The following SLC4A7 variants were observed in gnomAD, a reference collection of about 807,000 sequenced individuals.
The protein encoded by SLC4A7 is solute carrier family 4 member 7, also known as sodium bicarbonate cotransporter 3.
SLC4A7 carries 51 observed loss-of-function variants against 137.6 expected under a neutral mutation model. That is an observed-to-expected ratio of 0.37 (90% CI 0.30 to 0.47). The LOEUF (loss-of-function observed/expected upper bound fraction) is 0.47, where lower values mean the gene tolerates loss of function less well. SLC4A7 is among the 20% of genes least tolerant of loss of function. The probability of loss-of-function intolerance (pLI) is 1.00; values close to 1 mark genes in which losing one functional copy is unlikely to be tolerated. For synonymous variants in SLC4A7, 542 were observed against 518.6 expected (o/e 1.05, Z -0.61); for missense variants, 1,247 against 1,525.4 (o/e 0.82, Z 3.04).
intron 3 of SLC4A7, among the ~76,000 whole-genome samples, chr3:27,441,143 AAT>A (rs1284986191): frequency 6.6e-6 from 1 of 152,184 alleles, no homozygotes; most frequent in Non-Finnish European, 1.5e-5. Context: ...TTAGGAGATG[AAT>A]ATCTTGCAGG....
At chr3:27,445,386 C>T (rs1576507043) in intron 3 of SLC4A7, among the ~76,000 whole-genome samples, 1 of 152,072 alleles carries the variant, frequency 6.6e-6, no homozygotes, top group Admixed American at 6.6e-5. Context: ...TGTGCTGTGG[C>T]CTGGAAACTG....
At chr3:27,432,356 T>C (rs1166555191) in intron 6 of SLC4A7, among the ~76,000 whole-genome samples, 4 of 152,200 alleles carry the variant, frequency 2.6e-5, no homozygotes, top group Admixed American at 2.6e-4. Flanking sequence ...ATGCTTTTCA[T>C]TTCTGATATG....
intron 1 of SLC4A7, among the ~76,000 whole-genome samples, chr3:27,462,985 G>A (rs2058776713): frequency 6.6e-6 from 1 of 152,168 alleles, no homozygotes; most frequent in African/African-American, 2.4e-5. Flanking sequence ...AACAGATGTC[G>A]GTAAAATATT....
intron 1 of SLC4A7, among the ~76,000 whole-genome samples, chr3:27,476,914 G>A (rs1285643909): frequency 6.6e-6 from 1 of 152,090 alleles, no homozygotes; most frequent in Non-Finnish European, 1.5e-5. Context: ...TGTTCAATGT[G>A]TAAAACCCTA....
At position 27,409,414 on chromosome 3, in the gene SLC4A7, C is replaced by G. The variant is rs767334911; in HGVS notation, c.1883G>C (p.Cys628Ser). ...TCCAAAAGTGATTACAGGAGACATACAGGCACAGTATAGGAAAAGAATCGA... is the reference window on the plus strand; with the variant it reads ...TCCAAAAGTGATTACAGGAGACATAGAGGCACAGTATAGGAAAAGAATCGA... ...LASILFLYCA[C>S]MSPVITFGGL... is the part of the protein sequence containing the mutation. The change falls in exon 13 of 26, where the codon TGT becomes TCT. Residue 628 changes from cysteine (C) to serine (S), a missense_variant. Cys to Ser is a moderately radical substitution (Grantham distance 112). Around this residue, in one of 6 missense-constraint regions of SLC4A7, gnomAD observed 499 missense variants for 664.2 expected, o/e 0.75. Transcript: ENST00000454389. 1.2e-6 allele frequency: 2 copies of G among 1,613,830 alleles called. No homozygotes were observed. Among genetic ancestry groups the G allele is most frequent in the South Asian group, 2.2e-5 (2 of 91,056 alleles).
At position 27,437,539 on chromosome 3, in the gene SLC4A7, A is replaced by G. The variant is rs199985762; in HGVS notation, c.290-13T>C. 268 of 1,512,462 alleles carry G rather than the reference A, an allele frequency of 1.8e-4. 2 individuals are homozygous for G. In the African/African-American group the frequency reaches 3.4e-3, roughly 19 times the overall value. The allele number at this position is 1,512,462 out of a possible 1,614,324, so 93.7% of individuals were successfully genotyped here. ...TGGGATGGTGTATCTTTACAAAATA[A>G]GAATTTACATATACTCAAATTTTTC... On this transcript the variant is annotated splice_polypyrimidine_tract_variant and intron_variant, in intron 3 of 25. Coordinates refer to ENST00000454389, the MANE Select transcript of SLC4A7 (RefSeq NM_001321103.2).
Position 27,394,715 on chromosome 3 carries a change from A to C in SLC4A7, c.2920T>G (p.Cys974Gly). The C allele has an allele frequency of 6.2e-7, 1 of 1,614,218 alleles. No homozygotes were observed. Among genetic ancestry groups the C allele is most frequent in the Non-Finnish European group, 8.5e-7 (1 of 1,180,018 alleles). The part of the protein sequence containing the change: ...LLMVGVMLGV[C>G]SVMGLPWFVA... ...AACCATGGAAGTCCCATGACAGAGC[A>C]AACTCCCAACATAACGCCAACCATG... The change falls in exon 20 of 26, where the codon TGC becomes GGC. Residue 974 changes from cysteine (C) to glycine (G), a missense_variant. Physicochemically the swap from Cys to Gly is radical, Grantham distance 159. This residue lies in a region of SLC4A7 where 48 missense variants were observed against 97.2 expected (regional missense o/e 0.49). Transcript: ENST00000454389.
At chr3:27,479,395 C>T (rs2059615413) in intron 1 of SLC4A7, among the ~76,000 whole-genome samples, 1 of 151,034 alleles carries the variant, frequency 6.6e-6, no homozygotes, top group South Asian at 2.1e-4. Flanking sequence ...GCCTGGGCAA[C>T]CCTGAGGATG....
intron 1 of SLC4A7, among the ~76,000 whole-genome samples, chr3:27,483,287 A>C (rs1244698787): frequency 6.6e-6 from 1 of 152,236 alleles, no homozygotes; most frequent in Non-Finnish European, 1.5e-5. Context: ...GTCCATCCCC[A>C]TTCTCTTCTA....
Position 27,375,854 on chromosome 3 carries a change from T to C in SLC4A7, c.*910A>G, listed in dbSNP as rs1446999504. ...ACCCTTCTGAGAGAATTCTAACTCC[T>C]GATTATTTACGCCTACTACTTATAA... On this transcript the variant is annotated 3_prime_UTR_variant, in exon 26 of 26. Transcript: ENST00000454389. 1 of 152,062 alleles carries C rather than the reference T, an allele frequency of 6.6e-6. No homozygotes were observed. The highest frequency in any genetic ancestry group is 2.4e-5 in the African/African-American group (1 of 41,446). 9.4% of individuals were successfully genotyped at this position (152,062 alleles called of 1,614,324 possible).
At position 27,411,761 on chromosome 3, in the gene SLC4A7, A is replaced by G; in HGVS notation, c.1660-13T>C. 7.0e-7 allele frequency: 1 copy of G among 1,427,516 alleles called. No individual in the cohort carries two copies. The highest frequency in any genetic ancestry group is 1.4e-5 in the South Asian group (1 of 72,462). 88.4% of individuals were successfully genotyped at this position (1,427,516 alleles called of 1,614,324 possible). A position where few individuals can be genotyped will look rare whatever the true frequency, so the allele number is the denominator to read the frequency against. Reference sequence around the variant, plus strand: ...TCTTTCTCTTTTCCTGAATTTCACAAAAAACATTATTTTCAGAATTCTATT... The same window carrying G: ...TCTTTCTCTTTTCCTGAATTTCACAGAAAACATTATTTTCAGAATTCTATT... On this transcript the variant is annotated splice_polypyrimidine_tract_variant and intron_variant, in intron 11 of 25. Coordinates refer to ENST00000454389, the MANE Select transcript of SLC4A7 (RefSeq NM_001321103.2).
intron 1 of SLC4A7, among the ~76,000 whole-genome samples, chr3:27,471,651 C>T (rs1191697436): frequency 1.3e-5 from 2 of 152,172 alleles, no homozygotes; most frequent in African/African-American, 4.8e-5. Flanking sequence ...AGATTACAGG[C>T]GTGAGCCACC....
intron 22 of SLC4A7, among the ~76,000 whole-genome samples, chr3:27,387,951 T>C (rs543245789): frequency 1.3e-5 from 2 of 152,288 alleles, no homozygotes; most frequent in East Asian, 3.9e-4. Flanking sequence ...ACAAATGCTA[T>C]TATAAAGCCT....
chr3:27,386,250 T>G (rs2050942111), intron 22 of SLC4A7, among the ~76,000 whole-genome samples: 1 of 151,094 alleles, frequency 6.6e-6, no homozygotes, highest in African/African-American at 2.4e-5. Flanking sequence ...AATGGCATTC[T>G]TAACCTTCTC....
intron 3 of SLC4A7, among the ~76,000 whole-genome samples, chr3:27,446,279 C>T (rs2057628125): frequency 6.6e-6 from 1 of 151,826 alleles, no homozygotes; most frequent in South Asian, 2.1e-4. Context: ...AATTTAATCC[C>T]CGTTATTCCA....
At position 27,391,800 on chromosome 3, in the gene SLC4A7, T is replaced by C; in HGVS notation, c.3126A>G (p.Pro1042=). The C allele has an allele frequency of 6.3e-7, 1 of 1,583,718 alleles. No homozygotes were observed. The highest frequency in any genetic ancestry group is 1.1e-5 in the South Asian group (1 of 87,640). The change falls in exon 21 of 26, where the codon CCA becomes CCG. Residue 1042 remains proline, a synonymous_variant. Transcript: ENST00000454389. ...VFMTSVLKFI[P]MPVLYGVFLY... is the part of the protein sequence containing the mutation. ...GGAAAACACCATACAGAACAGGCAT[T>C]GGAATAAACTGTAAATAAAATGAAC...
At chr3:27,437,875 A>T (rs1451716644) in intron 3 of SLC4A7, among the ~76,000 whole-genome samples, 1 of 152,214 alleles carries the variant, frequency 6.6e-6, no homozygotes, top group African/African-American at 2.4e-5. Flanking sequence ...CACCAAAACT[A>T]CATGGAAAAG....
At chr3:27,459,112 T>A (rs1306368405) in intron 1 of SLC4A7, among the ~76,000 whole-genome samples, 1 of 152,170 alleles carries the variant, frequency 6.6e-6, no homozygotes, top group Non-Finnish European at 1.5e-5. Context: ...GTCAAGCACA[T>A]GTCCTTTCCT....
chr3:27,480,810 C>A (rs2150760311), intron 1 of SLC4A7, among the ~76,000 whole-genome samples: 1 of 151,886 alleles, frequency 6.6e-6, no homozygotes, highest in East Asian at 1.9e-4. Context: ...TAATTTCTTA[C>A]AGACTGATGA....
Sources: allele counts gnomAD v4.1 joint callset (sites outside exome capture counted in the v4.1 genomes callset), GRCh38; gene constraint gnomAD v4.1.1; regional missense constraint gnomAD v4.1.1; transcripts MANE v1.5; gene names NCBI Gene and HGNC (gene_info 2026-07-23, HGNC 2026-07-21).